NCK2: variants seen among roughly 807,000 people sequenced by gnomAD.
NCK2 encodes the protein NCK adaptor protein 2.
A neutral mutation model predicts 33.9 loss-of-function variants in NCK2; 16 were observed. The ratio of observed to expected loss-of-function variants is 0.47; its 90% CI spans 0.32 to 0.72. NCK2 has a LOEUF of 0.72. Ranked by LOEUF, NCK2 falls within the 30% of genes least tolerant of loss-of-function variation. The pLI, the probability that NCK2 is intolerant of heterozygous loss-of-function variation, is 0.03. For synonymous variants in NCK2, 273 were observed against 239.9 expected (o/e 1.14, Z -1.27); for missense variants, 418 against 537.3 (o/e 0.78, Z 2.19).
chr2:105,820,781 A>AAGCTT (rs1281777255), intron 2 of NCK2, among the ~76,000 whole-genome samples: 4 of 152,350 alleles, frequency 2.6e-5, no homozygotes, highest in African/African-American at 9.6e-5. Flanking sequence ...GACTTTTGAA[A>AAGCTT]AGCTTTTGGA....
chr2:105,840,182 T>C (rs1676588677), intron 2 of NCK2, among the ~76,000 whole-genome samples: 2 of 152,064 alleles, frequency 1.3e-5, no homozygotes, highest in Non-Finnish European at 2.9e-5. Flanking sequence ...TTAGCATGTC[T>C]TATGCTAAAT....
At chr2:105,882,873 T>G (rs1012743040) in intron 4 of NCK2, among the ~76,000 whole-genome samples, 7 of 152,188 alleles carry the variant, frequency 4.6e-5, no homozygotes, top group African/African-American at 7.2e-5. Flanking sequence ...TGAATTGTAT[T>G]GGTTCTAGGA....
At chr2:105,851,050 C>G (rs6543344) in intron 2 of NCK2, among the ~76,000 whole-genome samples, 134,289 of 152,214 alleles carry the variant, frequency 0.88, 59,330 homozygotes, top group East Asian at 0.98. Context: ...AGAGAAAAGA[C>G]CGAAGCCTGT....
intron 1 of NCK2, among the ~76,000 whole-genome samples, chr2:105,786,338 T>C (rs7602442): frequency 0.49 from 75,218 of 152,174 alleles, 19,636 homozygotes; most frequent in African/African-American, 0.66. Context: ...CTTGTTCCAT[T>C]AGCCCTGGGA....
At chr2:105,824,456 GGAT>G (rs1440106540) in intron 2 of NCK2, among the ~76,000 whole-genome samples, 2 of 152,198 alleles carry the variant, frequency 1.3e-5, no homozygotes, top group Admixed American at 6.5e-5. Flanking sequence ...GGAAAGGCAG[GGAT>G]CCCAGGAGCC....
chr2:105,845,425 T>G (rs1676819793), intron 2 of NCK2, among the ~76,000 whole-genome samples: 1 of 151,276 alleles, frequency 6.6e-6, no homozygotes, highest in Admixed American at 6.6e-5. Context: ...AGATGAATCT[T>G]ACTCTGTCAC....
intron 4 of NCK2, 86 bp downstream of exon 4, chr2:105,882,135 G>A (rs937003407): frequency 8.2e-6 from 11 of 1,349,010 alleles, no homozygotes; most frequent in Non-Finnish European, 9.6e-6. Flanking sequence ...TTTTCACATT[G>A]TGTGAGTACA....
At chr2:105,878,354 A>T (rs1678319594) in intron 3 of NCK2, among the ~76,000 whole-genome samples, 1 of 152,240 alleles carries the variant, frequency 6.6e-6, no homozygotes. Context: ...AAGCCTTTAC[A>T]GGGGTGATTA....
chr2:105,752,205 C>T (rs1045009115), intron 1 of NCK2, among the ~76,000 whole-genome samples: 1 of 152,126 alleles, frequency 6.6e-6, no homozygotes, highest in African/African-American at 2.4e-5. Context: ...GCCTCATTTG[C>T]TGTCTGTTTT....
intron 1 of NCK2, among the ~76,000 whole-genome samples, chr2:105,795,679 G>A (rs1306325678): frequency 6.6e-6 from 1 of 152,198 alleles, no homozygotes; most frequent in African/African-American, 2.4e-5. Flanking sequence ...GCAGGGTGTG[G>A]ATTGTTGTTA....
At chr2:105,768,271 A>G (rs1380072837) in intron 1 of NCK2, among the ~76,000 whole-genome samples, 1 of 152,212 alleles carries the variant, frequency 6.6e-6, no homozygotes, top group Admixed American at 6.5e-5. Flanking sequence ...TTGAGTGCTC[A>G]GTGGCCGCGT....
intron 4 of NCK2, among the ~76,000 whole-genome samples, chr2:105,884,433 G>A (rs1678637609): frequency 6.6e-6 from 1 of 152,170 alleles, no homozygotes; most frequent in South Asian, 2.1e-4. Flanking sequence ...GACTCAGTCA[G>A]GCATCTTTAT....
intron 1 of NCK2, among the ~76,000 whole-genome samples, chr2:105,749,795 T>C (rs1689394948): frequency 6.6e-6 from 1 of 152,052 alleles, no homozygotes; most frequent in Non-Finnish European, 1.5e-5. Context: ...AGGGTTACCC[T>C]GGAAAGCCTC....
At chr2:105,783,417 G>A (rs942057875) in intron 1 of NCK2, among the ~76,000 whole-genome samples, 6 of 152,134 alleles carry the variant, frequency 3.9e-5, no homozygotes, top group African/African-American at 9.7e-5. Context: ...GAAGGCCCGC[G>A]TGGAACATGG....
intron 2 of NCK2, among the ~76,000 whole-genome samples, chr2:105,830,693 G>GTGTGTGTGTGTGTGTGTATA (rs59155187): frequency 6.8e-6 from 1 of 147,940 alleles, no homozygotes; most frequent in African/African-American, 2.6e-5. Context: ...GTGTGTGTGT[G>GTGTGTGTGTGTGTGTGTATA]TGTGTGTGTG....
chr2:105,752,491 A>C (rs1689482946), intron 1 of NCK2, among the ~76,000 whole-genome samples: 1 of 152,238 alleles, frequency 6.6e-6, no homozygotes, highest in African/African-American at 2.4e-5. Flanking sequence ...TTTGTATATC[A>C]GTATTCAACA....
At chr2:105,755,461 G>A (rs1285718788) in intron 1 of NCK2, among the ~76,000 whole-genome samples, 1 of 152,164 alleles carries the variant, frequency 6.6e-6, no homozygotes, top group South Asian at 2.1e-4. Flanking sequence ...GGGTGCAGCC[G>A]ATTCCGTCTT....
intron 2 of NCK2, among the ~76,000 whole-genome samples, chr2:105,840,222 AG>A (rs1676590310): frequency 6.6e-6 from 1 of 152,174 alleles, no homozygotes; most frequent in African/African-American, 2.4e-5. Flanking sequence ...CAGTAGCTCC[AG>A]GGAATAATTA....
intron 1 of NCK2, among the ~76,000 whole-genome samples, chr2:105,777,629 G>A (rs577794233): frequency 5.4e-4 from 83 of 152,308 alleles, no homozygotes; most frequent in Admixed American, 1.7e-3. Context: ...AATGACTTCA[G>A]TTGCAGCTGT....
Sources: gnomAD v4.1 joint callset for allele counts (sites outside exome capture counted in the v4.1 genomes callset) on GRCh38, gnomAD v4.1.1 for gene constraint, MANE v1.5 for transcripts, NCBI Gene and HGNC (gene_info 2026-07-23, HGNC 2026-07-21) for gene names.